Variants in ATRNL1 observed in about 807,000 individuals in gnomAD.
ATRNL1 encodes attractin like 1.
In ATRNL1, 95 loss-of-function variants were observed where a neutral mutation model predicts 182.7. The observed-to-expected ratio is 0.52, with a 90% CI of 0.44 to 0.62. ATRNL1 has a LOEUF of 0.62. Ranked by LOEUF, ATRNL1 falls within the 20% of genes least tolerant of loss-of-function variation. The pLI is 0.00. For missense variants in ATRNL1, 1,471 were observed against 1,679.5 expected, an observed-to-expected ratio of 0.88 and a Z score of 2.17; for synonymous variants, 576 against 568.3, an observed-to-expected ratio of 1.01 and a Z score of -0.19.
At chr10:115,125,461 A>G (rs1256260421) in intron 3 of ATRNL1, among the ~76,000 whole-genome samples, 1 of 151,882 alleles carries the variant, frequency 6.6e-6, no homozygotes, top group African/African-American at 2.4e-5. Context: ...AAGAGTTTTT[A>G]GAATGTGGAG....
intron 27 of ATRNL1, among the ~76,000 whole-genome samples, chr10:115,844,592 A>C (rs1455805101): frequency 1.3e-5 from 2 of 152,248 alleles, no homozygotes; most frequent in Non-Finnish European, 2.9e-5. Flanking sequence ...GCAACTTGAA[A>C]ATAAGAGTAC....
chr10:115,170,430 A>T (rs559154446), intron 7 of ATRNL1, among the ~76,000 whole-genome samples: 1 of 152,292 alleles, frequency 6.6e-6, no homozygotes, highest in Non-Finnish European at 1.5e-5. Context: ...AACTGAAGGC[A>T]TGTGGTGTCT....
intron 27 of ATRNL1, among the ~76,000 whole-genome samples, chr10:115,797,496 GCTT>G (rs1373998015): frequency 1.3e-5 from 2 of 152,066 alleles, no homozygotes; most frequent in East Asian, 3.9e-4. Flanking sequence ...CAACTGCAAG[GCTT>G]CTTCTGCCAA....
chr10:115,705,117 T>A (rs1489669083), intron 26 of ATRNL1, among the ~76,000 whole-genome samples: 1 of 151,958 alleles, frequency 6.6e-6, no homozygotes, highest in Non-Finnish European at 1.5e-5. Context: ...CGAAATCTGA[T>A]CTGTACTCAG....
intron 26 of ATRNL1, among the ~76,000 whole-genome samples, chr10:115,694,682 A>G (rs557027498): frequency 7.9e-5 from 12 of 152,238 alleles, no homozygotes; most frequent in Admixed American, 3.3e-4. Flanking sequence ...TTGATGTTCA[A>G]TACAACTAAC....
At chr10:115,270,665 T>C (rs1025883391) in intron 13 of ATRNL1, among the ~76,000 whole-genome samples, 4 of 151,946 alleles carry the variant, frequency 2.6e-5, no homozygotes, top group African/African-American at 7.2e-5. Context: ...AAATTCTTTC[T>C]TCCTCTACTT....
At chr10:115,506,268 G>A (rs1213318835) in intron 24 of ATRNL1, among the ~76,000 whole-genome samples, 1 of 151,760 alleles carries the variant, frequency 6.6e-6, no homozygotes, top group African/African-American at 2.4e-5. Context: ...GTCTGATAGA[G>A]TTGGTTAAAC....
intron 7 of ATRNL1, among the ~76,000 whole-genome samples, 198 bp downstream of exon 7, chr10:115,165,843 T>A (rs76613489): frequency 0.013 from 1,989 of 152,150 alleles, 40 homozygotes; most frequent in African/African-American, 0.046. Flanking sequence ...CCACATGACA[T>A]GTAAAGAAAT....
intron 13 of ATRNL1, among the ~76,000 whole-genome samples, chr10:115,275,266 G>A (rs1554914523): frequency 1.3e-5 from 2 of 152,148 alleles, no homozygotes; most frequent in African/African-American, 4.8e-5. Context: ...CCCACTGTGA[G>A]AGGGACCTGA....
At chr10:115,913,327 G>C (rs1177925319) in intron 28 of ATRNL1, among the ~76,000 whole-genome samples, 1 of 152,082 alleles carries the variant, frequency 6.6e-6, no homozygotes, top group Non-Finnish European at 1.5e-5. Context: ...AGCCCCCAAA[G>C]GTGGCTCCAA....
intron 20 of ATRNL1, among the ~76,000 whole-genome samples, chr10:115,416,208 A>C (rs148608149): frequency 6.6e-6 from 1 of 152,018 alleles, no homozygotes; most frequent in Non-Finnish European, 1.5e-5. Flanking sequence ...ATTTACATCT[A>C]CTTTTGTCTT....
chr10:115,689,569 A>G (rs7908611), intron 26 of ATRNL1, among the ~76,000 whole-genome samples: 70,037 of 151,964 alleles, frequency 0.46, 16,855 homozygotes, highest in East Asian at 0.72. Flanking sequence ...GGGCCCCAGA[A>G]CAGCATACAC....
intron 14 of ATRNL1, among the ~76,000 whole-genome samples, chr10:115,284,130 C>T (rs1419796197): frequency 6.6e-6 from 1 of 152,088 alleles, no homozygotes; most frequent in African/African-American, 2.4e-5. Flanking sequence ...TCTCACTAAA[C>T]TCATTATAAA....
At chr10:115,490,233 G>A (rs1405778319) in intron 24 of ATRNL1, among the ~76,000 whole-genome samples, 1 of 152,064 alleles carries the variant, frequency 6.6e-6, no homozygotes, top group African/African-American at 2.4e-5. Context: ...GAGTATCTTT[G>A]TGGTGTTCTC....
At chr10:115,270,254 ATTTG>A (rs1180141187) in intron 13 of ATRNL1, among the ~76,000 whole-genome samples, 3 of 145,678 alleles carry the variant, frequency 2.1e-5, no homozygotes, top group African/African-American at 7.5e-5. Context: ...AATAATATAT[ATTTG>A]TTTATATATT....
At chr10:115,875,209 C>T (rs1040275005) in intron 28 of ATRNL1, among the ~76,000 whole-genome samples, 7 of 152,082 alleles carry the variant, frequency 4.6e-5, no homozygotes, top group Non-Finnish European at 7.4e-5. Context: ...ATGTTAATAG[C>T]GAAGTTTTTA....
intron 1 of ATRNL1, among the ~76,000 whole-genome samples, chr10:115,102,927 A>G (rs1434636527): frequency 6.6e-6 from 1 of 151,638 alleles, no homozygotes; most frequent in African/African-American, 2.4e-5. Flanking sequence ...ATAATATTGA[A>G]TTATCTCGTT....
intron 28 of ATRNL1, among the ~76,000 whole-genome samples, chr10:115,930,303 C>T (rs1372581775): frequency 6.6e-6 from 1 of 152,104 alleles, no homozygotes; most frequent in African/African-American, 2.4e-5. Flanking sequence ...TTTGATTGCA[C>T]ATCTGAATAC....
At chr10:115,695,449 A>G (rs1946527810) in intron 26 of ATRNL1, among the ~76,000 whole-genome samples, 1 of 152,124 alleles carries the variant, frequency 6.6e-6, no homozygotes, top group Non-Finnish European at 1.5e-5. Flanking sequence ...GTAACGGGTA[A>G]GTTATTATTT....
Sources: allele counts gnomAD v4.1 joint callset (sites outside exome capture counted in the v4.1 genomes callset), GRCh38; gene constraint gnomAD v4.1.1; transcripts MANE v1.5; gene names NCBI Gene and HGNC (gene_info 2026-07-23, HGNC 2026-07-21).